Variants in GSG1L observed in about 807,000 individuals in gnomAD.
GSG1L encodes germ cell-specific gene 1-like protein.
Under a neutral mutation model 42.1 loss-of-function variants are expected in GSG1L, and 24 were observed. The ratio of observed to expected loss-of-function variants is 0.57; its 90% CI spans 0.41 to 0.80. GSG1L has a LOEUF of 0.80. Ranked by LOEUF, GSG1L falls within the 30% of genes least tolerant of loss-of-function variation. GSG1L has a pLI of 0.00. For missense variants in GSG1L, 445 were observed against 472.2 expected, an observed-to-expected ratio of 0.94 and a Z score of 0.53; for synonymous variants, 215 against 203.5, an observed-to-expected ratio of 1.06 and a Z score of -0.48.
chr16:27,975,950 C>CA (rs1035146738), intron 1 of GSG1L, among the ~76,000 whole-genome samples: 4 of 152,086 alleles, frequency 2.6e-5, no homozygotes, highest in African/African-American at 4.8e-5. Flanking sequence ...ATCCTCTCTC[C>CA]AAAAAATGAT....
intron 1 of GSG1L, among the ~76,000 whole-genome samples, chr16:27,989,360 TAA>T (rs1184523805): frequency 6.6e-6 from 1 of 152,242 alleles, no homozygotes; most frequent in Non-Finnish European, 1.5e-5. Flanking sequence ...ATTCTAAACT[TAA>T]GTCTTCTTGA....
chr16:27,984,709 C>T (rs915185374), intron 1 of GSG1L, among the ~76,000 whole-genome samples: 2 of 151,476 alleles, frequency 1.3e-5, no homozygotes, highest in East Asian at 3.9e-4. Flanking sequence ...ACATTTGATC[C>T]CTCTGTTTGG....
At chr16:27,940,346 T>C (rs1414123851) in intron 2 of GSG1L, among the ~76,000 whole-genome samples, 28 of 146,954 alleles carry the variant, frequency 1.9e-4, no homozygotes, top group Admixed American at 1.2e-3. Flanking sequence ...AGCCATCCCA[T>C]TACTGGGTAT....
At chr16:27,922,300 AT>A (rs1388579274) in intron 2 of GSG1L, among the ~76,000 whole-genome samples, 9 of 152,088 alleles carry the variant, frequency 5.9e-5, no homozygotes, top group Non-Finnish European at 1.0e-4. Flanking sequence ...GTCTAATTCT[AT>A]TGATCCAATA....
intron 3 of GSG1L, among the ~76,000 whole-genome samples, chr16:27,850,939 G>C (rs945491964): frequency 3.9e-5 from 6 of 151,942 alleles, no homozygotes; most frequent in Admixed American, 2.6e-4. Context: ...CCGGGAGATA[G>C]AGAATGTTAA....
chr16:28,048,231 A>T (rs751354076), intron 1 of GSG1L, among the ~76,000 whole-genome samples: 36 of 151,972 alleles, frequency 2.4e-4, no homozygotes, highest in Non-Finnish European at 5.0e-4. Flanking sequence ...CTGCCTCAAA[A>T]ATATATATAT....
intron 2 of GSG1L, among the ~76,000 whole-genome samples, chr16:27,893,609 G>T (rs1286313587): frequency 2.0e-5 from 3 of 152,192 alleles, no homozygotes; most frequent in Admixed American, 6.5e-5. Context: ...TAGAGACAAG[G>T]TCTCAGTCTG....
chr16:27,829,185 G>A (rs142004626), intron 4 of GSG1L, among the ~76,000 whole-genome samples: 2 of 152,288 alleles, frequency 1.3e-5, no homozygotes, highest in Middle Eastern at 3.4e-3. Context: ...TCATTATGGG[G>A]AGGCAAGAAG....
At chr16:27,866,780 C>T (rs2141005804) in intron 3 of GSG1L, among the ~76,000 whole-genome samples, 1 of 152,216 alleles carries the variant, frequency 6.6e-6, no homozygotes, top group African/African-American at 2.4e-5. Context: ...CCGCGTTGGC[C>T]AGGCTGGGGT....
intron 5 of GSG1L, among the ~76,000 whole-genome samples, chr16:27,827,833 T>A (rs1239136851): frequency 6.7e-6 from 1 of 149,794 alleles, no homozygotes; most frequent in Non-Finnish European, 1.5e-5. Context: ...CATTCATCCA[T>A]CTACCCATCC....
chr16:27,819,798 T>C (rs752641957), intron 5 of GSG1L, among the ~76,000 whole-genome samples: 39 of 152,164 alleles, frequency 2.6e-4, no homozygotes, highest in Non-Finnish European at 4.9e-4. Context: ...GGGGTCCTGT[T>C]ACCCTGATGA....
At chr16:27,957,430 T>A (rs1250138747) in intron 2 of GSG1L, among the ~76,000 whole-genome samples, 1 of 152,244 alleles carries the variant, frequency 6.6e-6, no homozygotes, top group East Asian at 1.9e-4. Flanking sequence ...TGCTCAGGCA[T>A]CTTTGATCAC....
intron 1 of GSG1L, among the ~76,000 whole-genome samples, chr16:27,972,258 A>G (rs1377486190): frequency 6.6e-6 from 1 of 152,262 alleles, no homozygotes; most frequent in Non-Finnish European, 1.5e-5. Context: ...CTTAGCCCAC[A>G]CTGCCCAGGC....
chr16:27,811,916 G>A (rs1427825175), intron 5 of GSG1L, among the ~76,000 whole-genome samples: 3 of 152,168 alleles, frequency 2.0e-5, no homozygotes, highest in African/African-American at 7.2e-5. Context: ...CTCCCAATGT[G>A]CTGGGATTAC....
intron 3 of GSG1L, among the ~76,000 whole-genome samples, chr16:27,872,894 G>C (rs974725390): frequency 6.6e-6 from 1 of 152,130 alleles, no homozygotes; most frequent in Admixed American, 6.5e-5. Context: ...CCTCCCCTTG[G>C]TTTGCATATA....
At chr16:27,927,290 C>G (rs773623400) in intron 2 of GSG1L, among the ~76,000 whole-genome samples, 8 of 152,028 alleles carry the variant, frequency 5.3e-5, no homozygotes, top group Non-Finnish European at 8.8e-5. Flanking sequence ...GCTGGGACCA[C>G]GGGTACGTGC....
At position 27,973,520 on chromosome 16, in the gene GSG1L, G is replaced by A. The variant is rs187458124; in HGVS notation, c.350-10317C>T. Among the ~76,000 whole-genome samples, 8 of 148,658 alleles carry A rather than the reference G, an allele frequency of 5.4e-5. No homozygotes were observed. In the East Asian group the frequency reaches 1.6e-3, roughly 31 times the overall value. On this transcript the variant is annotated intron_variant, in intron 1 of 6. Coordinates refer to ENST00000447459, the MANE Select transcript of GSG1L (RefSeq NM_001109763.2). ...GTTGTCATCACTGTCACCTACATGCGGGTCAGAGGAAACATGAGACACGGT... is the reference window on the plus strand; with the variant it reads ...GTTGTCATCACTGTCACCTACATGCAGGTCAGAGGAAACATGAGACACGGT...
chr16:27,959,237 C>T (rs2085039998), intron 2 of GSG1L, among the ~76,000 whole-genome samples: 1 of 149,902 alleles, frequency 6.7e-6, no homozygotes, highest in South Asian at 2.1e-4. Flanking sequence ...GTGGGAGGAT[C>T]GTTTGAGTCC....
intron 5 of GSG1L, among the ~76,000 whole-genome samples, chr16:27,827,534 G>A (rs1000461818): frequency 6.6e-6 from 1 of 152,098 alleles, no homozygotes; most frequent in African/African-American, 2.4e-5. Context: ...TGGCCCATAG[G>A]AGCAGTTCTG....
Sources: gnomAD v4.1 joint callset for allele counts (sites outside exome capture counted in the v4.1 genomes callset) on GRCh38, gnomAD v4.1.1 for gene constraint, MANE v1.5 for transcripts, NCBI Gene and HGNC (gene_info 2026-07-23, HGNC 2026-07-21) for gene names.